The following C12orf50 variants were observed in gnomAD, a reference collection of about 807,000 sequenced individuals.
C12orf50 encodes uncharacterized protein C12orf50.
C12orf50 carries 35 observed loss-of-function variants against 61.6 expected under a neutral mutation model. That is an observed-to-expected ratio of 0.57 (90% CI 0.43 to 0.75). The LOEUF (loss-of-function observed/expected upper bound fraction) is 0.75, where lower values mean the gene tolerates loss of function less well. Ranked by LOEUF, C12orf50 falls within the 30% of genes least tolerant of loss-of-function variation. The probability of loss-of-function intolerance (pLI) is 0.00; values close to 1 mark genes in which losing one functional copy is unlikely to be tolerated. For missense variants in C12orf50, 475 were observed against 488.5 expected (o/e 0.97, Z 0.26); for synonymous variants, 178 against 161.5 (o/e 1.10, Z -0.77).
chr12:88,005,911 G>GTTTTTTTTT (rs1491516748), intron 3 of C12orf50, among the ~76,000 whole-genome samples: 1 of 110,030 alleles, frequency 9.1e-6, no homozygotes, highest in African/African-American at 4.0e-5. Context: ...TTGTTTTTTT[G>GTTTTTTTTT]GTTTTTTTTT....
rs1019367210 is a variant in C12orf50, at chr12:88,015,091, C to T, written c.133+11397G>A. 7.2e-5 allele frequency among the ~76,000 whole-genome samples: 11 copies of T among 152,116 alleles called. No homozygotes were observed. The South Asian group carries it at 1.7e-3, about 23-fold the overall frequency. On this transcript the variant is annotated intron_variant, in intron 3 of 12. Transcript: ENST00000298699. ...ATCTGCCATCCAACACAAATTATCTCGGGGGCTACCATTTGATGTGCTATG... is the reference window on the plus strand; with the variant it reads ...ATCTGCCATCCAACACAAATTATCTTGGGGGCTACCATTTGATGTGCTATG...
intron 8 of C12orf50, 75 bp from the exon 9 acceptor site, chr12:87,988,041 T>C (rs888582711): frequency 3.4e-6 from 3 of 877,722 alleles, no homozygotes; most frequent in East Asian, 5.3e-5. Flanking sequence ...TATTTCACTA[T>C]TCAAACATTA....
intron 1 of C12orf50, 72 bp from the exon 2 acceptor site, chr12:88,027,142 ATTAG>A: frequency 1.4e-6 from 2 of 1,438,184 alleles, no homozygotes; most frequent in Non-Finnish European, 1.8e-6. Context: ...TAGGTTGCTA[ATTAG>A]TTAAACGAAA....
At chr12:88,017,116 G>T (rs749042435) in intron 3 of C12orf50, among the ~76,000 whole-genome samples, 1 of 152,108 alleles carries the variant, frequency 6.6e-6, no homozygotes, top group Non-Finnish European at 1.5e-5. Context: ...GCAAGCATAC[G>T]GGTGTGTGAT....
chr12:88,010,617 A>T (rs1592674082), intron 3 of C12orf50, among the ~76,000 whole-genome samples: 1 of 151,832 alleles, frequency 6.6e-6, no homozygotes, highest in East Asian at 1.9e-4. Context: ...CATTTCAACT[A>T]AACTTATAAT....
Position 87,996,622 on chromosome 12 carries a change from G to T in C12orf50, c.314C>A (p.Thr105Asn), listed in dbSNP as rs776651138. ...TCTTTTTTCTTCAATTTCTTCAGGGGTCTTTGTCCATAAACTAGAAGCATC... is the reference window on the plus strand; with the variant it reads ...TCTTTTTTCTTCAATTTCTTCAGGGTTCTTTGTCCATAAACTAGAAGCATC... ...QNDASSLWTK[T>N]PEEIEEKRAI... Residue 105 changes from threonine to asparagine, a missense_variant, in exon 5 of 13, where the codon ACC becomes AAC. Coordinates refer to ENST00000298699, the MANE Select transcript of C12orf50 (RefSeq NM_152589.3). 6.2e-7 allele frequency: 1 copy of T among 1,609,208 alleles called. No homozygotes were observed. Among genetic ancestry groups the T allele is most frequent in the South Asian group, 1.1e-5 (1 of 90,938 alleles).
At position 87,990,449 on chromosome 12, in the gene C12orf50, A is replaced by G. The variant is rs530402426; in HGVS notation, c.593-1078T>C. Among the ~76,000 whole-genome samples the G allele has an allele frequency of 6.6e-5, 10 of 152,272 alleles. No individual in the cohort carries two copies. In the East Asian group the frequency reaches 9.7e-4, roughly 15 times the overall value. ...CACAAAACCAGTGATAAAAATGTCA[A>G]AAAGATTTTTGGTTTCTACCATGAC... On this transcript the variant is annotated intron_variant, in intron 7 of 12. Coordinates refer to ENST00000298699, the MANE Select transcript of C12orf50 (RefSeq NM_152589.3).
In C12orf50 at chr12:87,998,158, T is replaced by C. The variant is rs1389039280; in HGVS notation, c.166A>G (p.Ile56Val). The C allele has an allele frequency of 5.6e-6, 9 of 1,612,586 alleles. No homozygotes were observed. Among genetic ancestry groups the C allele is most frequent in the Non-Finnish European group, 7.6e-6 (9 of 1,179,086 alleles). Residue 56 changes from isoleucine (I) to valine (V), a missense_variant, in exon 4 of 13, where the codon ATT (isoleucine) becomes GTT (valine). Transcript: ENST00000298699. ...ITLQKEIQEGIPLQSQSQEPL... is the reference protein window; with the variant it reads ...ITLQKEIQEGVPLQSQSQEPL... ...TCTTGACTCTGGGACTGGAGTGGAA[T>C]TCCTTCCTGAATTTCTTTCTGTAGT...
Position 87,987,758 on chromosome 12 carries a change from T to C in C12orf50, c.817+92A>G, listed in dbSNP as rs888622704. On this transcript the variant is annotated intron_variant, in intron 9 of 12. Coordinates refer to ENST00000298699, the MANE Select transcript of C12orf50 (RefSeq NM_152589.3). ...GAATAATTTTTAAACCTTTTTTCTTTCTTTTTTAAAATTCTATTTTAAATA... is the reference window on the plus strand; with the variant it reads ...GAATAATTTTTAAACCTTTTTTCTTCCTTTTTTAAAATTCTATTTTAAATA... The C allele has an allele frequency of 5.9e-6, 5 of 850,650 alleles. 1 individual carries two copies. The highest frequency in any genetic ancestry group is 3.2e-5 in the South Asian group (2 of 62,858). 52.7% of individuals were successfully genotyped at this position (850,650 alleles called of 1,614,324 possible).
At chr12:88,012,808 T>A (rs2032161013) in intron 3 of C12orf50, among the ~76,000 whole-genome samples, 1 of 152,148 alleles carries the variant, frequency 6.6e-6, no homozygotes, top group Non-Finnish European at 1.5e-5. Context: ...TTCATGCCTG[T>A]AATCCTAGCA....
chr12:87,993,480 G>C (rs1020055574), intron 7 of C12orf50, among the ~76,000 whole-genome samples: 4 of 152,036 alleles, frequency 2.6e-5, no homozygotes, highest in African/African-American at 9.7e-5. Context: ...ATTACAGCTA[G>C]ACTAAAACAA....
intron 3 of C12orf50, among the ~76,000 whole-genome samples, chr12:88,007,726 C>T (rs927757269): frequency 6.6e-6 from 1 of 152,080 alleles, no homozygotes; most frequent in African/African-American, 2.4e-5. Context: ...GTTTTATAAA[C>T]AGATAAGAAT....
chr12:88,000,673 G>T (rs2031618772), intron 3 of C12orf50, among the ~76,000 whole-genome samples: 1 of 151,876 alleles, frequency 6.6e-6, no homozygotes, highest in Middle Eastern at 3.4e-3. Flanking sequence ...TATGAACAAG[G>T]ATATCTCTGT....
intron 3 of C12orf50, among the ~76,000 whole-genome samples, chr12:88,015,074 T>C (rs886536638): frequency 3.3e-5 from 5 of 152,178 alleles, no homozygotes; most frequent in Middle Eastern, 3.4e-3. Context: ...GAATCTGCCA[T>C]CCAACACAAA....
intron 3 of C12orf50, among the ~76,000 whole-genome samples, chr12:88,017,315 GCT>G (rs1487096327): frequency 1.3e-5 from 2 of 152,130 alleles, no homozygotes; most frequent in African/African-American, 2.4e-5. Flanking sequence ...CCCTACACAA[GCT>G]CTCTCTCTTT....
intron 3 of C12orf50, among the ~76,000 whole-genome samples, chr12:88,013,264 G>A (rs2136469302): frequency 6.6e-6 from 1 of 152,248 alleles, no homozygotes; most frequent in Non-Finnish European, 1.5e-5. Flanking sequence ...TTGGTCCCAA[G>A]AACCTATGAG....
intron 11 of C12orf50, 143 bp from the exon 12 acceptor site, chr12:87,983,338 A>G (rs1386396671): frequency 2.1e-6 from 1 of 481,482 alleles, no homozygotes; most frequent in East Asian, 3.3e-5. Context: ...CATCAGGGAT[A>G]CAAGTGAGTT....
rs374601563 is a variant in C12orf50 at position 87,980,283 on chromosome 12, T to C, written c.*48A>G. ...TTTTCATTTTTGATTGTAAATCAGA[T>C]GATGTCTGGCAATTTTTTCTCATTT... On this transcript the variant is annotated 3_prime_UTR_variant, in exon 13 of 13. Coordinates refer to ENST00000298699, the MANE Select transcript of C12orf50 (RefSeq NM_152589.3). 4 of 1,564,768 alleles carry C rather than the reference T, an allele frequency of 2.6e-6. No individual in the cohort carries two copies. Among genetic ancestry groups the C allele is most frequent in the Non-Finnish European group, 3.5e-6 (4 of 1,139,318 alleles).
intron 7 of C12orf50, among the ~76,000 whole-genome samples, chr12:87,992,361 C>G (rs753422367): frequency 6.6e-6 from 1 of 151,944 alleles, no homozygotes; most frequent in Admixed American, 6.6e-5. Context: ...CCAGGAATAA[C>G]AAGAATCAAT....
Sources: allele counts gnomAD v4.1 joint callset (sites outside exome capture counted in the v4.1 genomes callset), GRCh38; gene constraint gnomAD v4.1.1; transcripts MANE v1.5; gene names NCBI Gene and HGNC (gene_info 2026-07-23, HGNC 2026-07-21).